ADCK1: variants seen among roughly 807,000 people sequenced by gnomAD.
ADCK1 encodes aarF domain containing kinase 1, also known as aarF domain-containing protein kinase 1.
Under a neutral mutation model 52.3 loss-of-function variants are expected in ADCK1, and 41 were observed. The ratio of observed to expected loss-of-function variants is 0.78; its 90% CI spans 0.61 to 1.02. The LOEUF is 1.02. Among genes scored for constraint, ADCK1 ranks in the 50% least tolerant of loss-of-function variants. ADCK1 has a pLI of 0.00. For missense variants in ADCK1, 658 were observed against 679.5 expected, an observed-to-expected ratio of 0.97 and a Z score of 0.35; for synonymous variants, 250 against 274.6, an observed-to-expected ratio of 0.91 and a Z score of 0.89.
chr14:77,884,751 A>G (rs1458975893), intron 4 of ADCK1, among the ~76,000 whole-genome samples: 1 of 152,224 alleles, frequency 6.6e-6, no homozygotes, highest in Non-Finnish European at 1.5e-5. Context: ...TTCAGGTTCA[A>G]CTGAGAAAAA....
Position 77,931,650 on chromosome 14 carries a change from A to G in ADCK1, c.1339A>G (p.Thr447Ala), listed in dbSNP as rs1595111762. 1 of 1,611,140 alleles carries G rather than the reference A, an allele frequency of 6.2e-7. No individual in the cohort carries two copies. Among genetic ancestry groups the G allele is most frequent in the African/African-American group, 1.3e-5 (1 of 74,952 alleles). Residue 447 changes from threonine to alanine, a missense_variant, in exon 10 of 11, where the codon ACC becomes GCC. By Grantham distance (58) the Thr-to-Ala change is moderately conservative (BLOSUM62 0). Transcript: ENST00000238561. ...LLRGIEAALGTRASASSFLNM... is the reference protein window; with the variant it reads ...LLRGIEAALGARASASSFLNM... The stretch of plus-strand genomic sequence containing the variant: ...GCGTGGCATTGAGGCCGCCCTGGGC[A>G]CCCGCGCCAGCGCCAGCTCCTTTCT...
At chr14:77,905,370 G>A (rs1024922498) in intron 6 of ADCK1, among the ~76,000 whole-genome samples, 1 of 139,860 alleles carries the variant, frequency 7.2e-6, no homozygotes, top group African/African-American at 2.7e-5. Context: ...GAGTACAGTG[G>A]CGTATTCTTC....
intron 4 of ADCK1, among the ~76,000 whole-genome samples, chr14:77,884,454 TG>T (rs2083103346): frequency 6.6e-6 from 1 of 152,182 alleles, no homozygotes; most frequent in African/African-American, 2.4e-5. Flanking sequence ...TCACATTTAC[TG>T]GGTCTTGTGT....
chr14:77,916,636 A>G (rs12587141), intron 7 of ADCK1, among the ~76,000 whole-genome samples: 45,908 of 151,950 alleles, frequency 0.3, 7,053 homozygotes, highest in South Asian at 0.39. Context: ...TGTATTTCTT[A>G]TAGAGGTTTC....
intron 4 of ADCK1, among the ~76,000 whole-genome samples, chr14:77,865,012 TG>T (rs1410721697): frequency 6.6e-6 from 1 of 152,192 alleles, no homozygotes; most frequent in East Asian, 1.9e-4. Flanking sequence ...CTGGGCACAG[TG>T]GCTCATGCCT....
At chr14:77,837,095 A>G (rs1221169323) in intron 3 of ADCK1, among the ~76,000 whole-genome samples, 3 of 151,008 alleles carry the variant, frequency 2.0e-5, no homozygotes, top group Non-Finnish European at 1.5e-5. Flanking sequence ...AATAAGGACA[A>G]CTGTCATTGG....
At chr14:77,854,861 T>A (rs1320335971) in intron 3 of ADCK1, among the ~76,000 whole-genome samples, 1 of 151,968 alleles carries the variant, frequency 6.6e-6, no homozygotes, top group Non-Finnish European at 1.5e-5. Context: ...CTCACAGGAG[T>A]GTGCTTTTCA....
chr14:77,912,481 G>T (rs956585343), intron 7 of ADCK1, among the ~76,000 whole-genome samples: 2 of 141,800 alleles, frequency 1.4e-5, no homozygotes, highest in South Asian at 4.6e-4. Flanking sequence ...TGTGTGTAAT[G>T]AAAGAGTCCA....
At chr14:77,875,186 T>C (rs2140175952) in intron 4 of ADCK1, among the ~76,000 whole-genome samples, 1 of 152,002 alleles carries the variant, frequency 6.6e-6, no homozygotes, top group East Asian at 1.9e-4. Flanking sequence ...AGGAGAGGAC[T>C]GACATATTTG....
intron 3 of ADCK1, among the ~76,000 whole-genome samples, chr14:77,853,416 GGCAT>G (rs1424156927): frequency 6.6e-5 from 10 of 152,252 alleles, no homozygotes; most frequent in African/African-American, 2.2e-4. Context: ...CACTGTGCCT[GGCAT>G]TGTGCTTTTA....
Position 77,828,202 on chromosome 14 carries a change from G to A in ADCK1, c.219+5684G>A, listed in dbSNP as rs759858355. On this transcript the variant is annotated intron_variant, in intron 3 of 10. Transcript: ENST00000238561. ...TGGTCTTTAACTCCTTACCTCAGGT[G>A]ATTCACCTGCCTTGGCTTCCCAGAG... Among the ~76,000 whole-genome samples the A allele has an allele frequency of 2.4e-4, 36 of 152,146 alleles. 1 individual carries two copies. Among genetic ancestry groups the A allele is most frequent in the Non-Finnish European group, 5.9e-5 (4 of 68,034 alleles).
At chr14:77,921,088 A>C (rs2084039183) in intron 7 of ADCK1, among the ~76,000 whole-genome samples, 1 of 151,788 alleles carries the variant, frequency 6.6e-6, no homozygotes, top group Non-Finnish European at 1.5e-5. Context: ...GCACTTTGGG[A>C]GGCCGAGGAG....
intron 3 of ADCK1, chr14:77,827,707 G>A (rs961855613): frequency 7.4e-6 from 2 of 270,386 alleles, no homozygotes; most frequent in Non-Finnish European, 1.4e-5. Context: ...CCTAAGGAGG[G>A]TGCAGAGAGG....
chr14:77,850,075 T>A (rs1470378551), intron 3 of ADCK1, among the ~76,000 whole-genome samples: 1 of 152,072 alleles, frequency 6.6e-6, no homozygotes, highest in African/African-American at 2.4e-5. Context: ...GGTGTGGTGG[T>A]GTGTGCCTGT....
intron 4 of ADCK1, among the ~76,000 whole-genome samples, chr14:77,879,927 C>CT (rs2082985065): frequency 3.3e-5 from 5 of 152,182 alleles, no homozygotes; most frequent in African/African-American, 4.8e-5. Flanking sequence ...ATTCTAGACC[C>CT]TTTATGTATG....
intron 3 of ADCK1, among the ~76,000 whole-genome samples, chr14:77,848,960 G>A (rs1304948677): frequency 6.6e-6 from 1 of 152,014 alleles, no homozygotes; most frequent in Non-Finnish European, 1.5e-5. Flanking sequence ...TGAGTAGCTG[G>A]GACTACAGGC....
At chr14:77,916,955 T>C (rs1280288926) in intron 7 of ADCK1, among the ~76,000 whole-genome samples, 1 of 152,178 alleles carries the variant, frequency 6.6e-6, no homozygotes, top group Admixed American at 6.5e-5. Context: ...CACTAGTGGC[T>C]CATACCTGTA....
chr14:77,851,519 G>A (rs1002211837), intron 3 of ADCK1, among the ~76,000 whole-genome samples: 2 of 152,092 alleles, frequency 1.3e-5, no homozygotes, highest in Non-Finnish European at 2.9e-5. Flanking sequence ...CTAGTTATTC[G>A]TTTTCTGTTT....
intron 3 of ADCK1, among the ~76,000 whole-genome samples, chr14:77,842,454 TCCTTCCTTCCTTCC>T (rs1566657395): frequency 7.2e-5 from 3 of 41,786 alleles, no homozygotes; most frequent in Non-Finnish European, 1.2e-4. Flanking sequence ...TTTTTTTCCT[TCCTTCCTTCCTTCC>T]TTCCTTCCTT....
Sources: gnomAD v4.1 joint callset for allele counts (sites outside exome capture counted in the v4.1 genomes callset) on GRCh38, gnomAD v4.1.1 for gene constraint, MANE v1.5 for transcripts, NCBI Gene and HGNC (gene_info 2026-07-23, HGNC 2026-07-21) for gene names.